Variants in CSMD1 observed in about 807,000 individuals in gnomAD.
The protein encoded by CSMD1 is CUB and sushi domain-containing protein 1.
A neutral mutation model predicts 417.5 loss-of-function variants in CSMD1; 213 were observed. The ratio of observed to expected loss-of-function variants is 0.51; its 90% CI spans 0.46 to 0.57. The LOEUF (loss-of-function observed/expected upper bound fraction) is 0.57. Among genes scored for constraint, CSMD1 ranks in the 20% least tolerant of loss-of-function variants. The pLI, the probability that CSMD1 is intolerant of heterozygous loss-of-function variation, is 0.00. For synonymous variants in CSMD1, 2,862 were observed against 1,736.8 expected, an observed-to-expected ratio of 1.65 and a Z score of -16.11; for missense variants, 6,923 against 4,529.7, an observed-to-expected ratio of 1.53 and a Z score of -15.17.
chr8:4,114,248 C>T (rs1295722485), intron 3 of CSMD1, among the ~76,000 whole-genome samples: 1 of 152,276 alleles, frequency 6.6e-6, no homozygotes, highest in Non-Finnish European at 1.5e-5. Flanking sequence ...TTTGAAAATC[C>T]TAGGGCTCTT....
At chr8:4,081,813 A>G (rs1196513757) in intron 3 of CSMD1, among the ~76,000 whole-genome samples, 1 of 151,410 alleles carries the variant, frequency 6.6e-6, no homozygotes, top group Non-Finnish European at 1.5e-5. Context: ...GATCAAATAA[A>G]TTGTTACAAA....
At position 4,359,749 on chromosome 8, in the gene CSMD1, C is replaced by T. The variant is rs137859506; in HGVS notation, c.415+60204G>A. Among the ~76,000 whole-genome samples, 915 of 152,300 alleles carry T rather than the reference C, an allele frequency of 6.0e-3. 8 individuals are homozygous for T. Among genetic ancestry groups the T allele is most frequent in the African/African-American group, 0.021 (865 of 41,558 alleles). ...CTGTGGCCTGGCCCACTTCTACATT[C>T]ATTCCAAGGGTCCACGTCAAGGAGT... On this transcript the variant is annotated intron_variant, in intron 3 of 69. Transcript: ENST00000635120.
intron 1 of CSMD1, among the ~76,000 whole-genome samples, chr8:4,985,055 T>C (rs1434975403): frequency 3.9e-5 from 6 of 152,176 alleles, no homozygotes; most frequent in African/African-American, 1.2e-4. Flanking sequence ...GATCATGTCC[T>C]TTGCAGGGAC....
At chr8:4,839,357 T>C (rs566215783) in intron 1 of CSMD1, among the ~76,000 whole-genome samples, 1 of 152,250 alleles carries the variant, frequency 6.6e-6, no homozygotes, top group Admixed American at 6.5e-5. Flanking sequence ...ACCAAGCAAA[T>C]ATATTTCATA....
At position 4,117,739 on chromosome 8, in the gene CSMD1, T is replaced by A. The variant is rs953743393; in HGVS notation, c.416-85640A>T. Among the ~76,000 whole-genome samples the A allele has an allele frequency of 2.0e-5, 3 of 152,158 alleles. No individual in the cohort carries two copies. In the East Asian group the frequency reaches 5.8e-4, roughly 29 times the overall value. ...CACATAGCTTTTAGAGAAGTAAGTT[T>A]AGATGTCAAATAGATATTCAGAAAC... On this transcript the variant is annotated intron_variant, in intron 3 of 69. Coordinates refer to ENST00000635120, the MANE Select transcript of CSMD1 (RefSeq NM_033225.6).
intron 4 of CSMD1, among the ~76,000 whole-genome samples, chr8:4,024,025 T>C (rs986527663): frequency 7.9e-5 from 12 of 152,190 alleles, no homozygotes; most frequent in East Asian, 5.8e-4. Context: ...AAAGGTTCTA[T>C]TGCAATTGAG....
intron 25 of CSMD1, among the ~76,000 whole-genome samples, chr8:3,305,808 T>C (rs543184480): frequency 1.2e-4 from 18 of 152,208 alleles, no homozygotes; most frequent in African/African-American, 4.3e-4. Flanking sequence ...GCCTCCCGAG[T>C]AGCTGGGACT....
chr8:3,619,568 G>A (rs1464806133), intron 7 of CSMD1, among the ~76,000 whole-genome samples: 1 of 152,036 alleles, frequency 6.6e-6, no homozygotes, highest in African/African-American at 2.4e-5. Flanking sequence ...CAAATTTGAG[G>A]AAAGACATAG....
intron 1 of CSMD1, among the ~76,000 whole-genome samples, chr8:4,747,350 G>C (rs928331360): frequency 1.3e-5 from 2 of 152,108 alleles, no homozygotes; most frequent in East Asian, 3.9e-4. Flanking sequence ...CTATATGATA[G>C]TTAATATTCT....
At chr8:4,435,693 G>A (rs1585070557) in intron 2 of CSMD1, among the ~76,000 whole-genome samples, 1 of 152,286 alleles carries the variant, frequency 6.6e-6, no homozygotes. Context: ...ACTGACAAGT[G>A]GAGGTGCCTC....
chr8:4,683,074 G>A lies in CSMD1; in HGVS notation c.86-45516C>T, dbSNP rs182512545. Among the ~76,000 whole-genome samples, 237 of 149,224 alleles carry A rather than the reference G, an allele frequency of 1.6e-3. 3 individuals carry two copies. Among genetic ancestry groups the A allele is most frequent in the African/African-American group, 5.6e-3 (229 of 40,816 alleles). On this transcript the variant is annotated intron_variant, in intron 1 of 69. Coordinates refer to ENST00000635120, the MANE Select transcript of CSMD1 (RefSeq NM_033225.6). ...AATAGTCCAATGTCATTGTGGCATA[G>A]AATTTAGAAATTAAGAGAAGTTTCA... is the stretch of plus-strand genomic sequence containing the variant.
At chr8:3,747,718 T>C (rs774782750) in intron 6 of CSMD1, among the ~76,000 whole-genome samples, 14 of 152,190 alleles carry the variant, frequency 9.2e-5, no homozygotes, top group Non-Finnish European at 1.9e-4. Context: ...AAATGTTCCT[T>C]ATGTTCAGCT....
chr8:4,592,010 C>T lies in CSMD1; in HGVS notation c.302+45332G>A, dbSNP rs530793056. 4.6e-5 allele frequency among the ~76,000 whole-genome samples: 7 copies of T among 152,196 alleles called. No individual in the cohort carries two copies. The South Asian group carries it at 6.2e-4, about 14-fold the overall frequency. On this transcript the variant is annotated intron_variant, in intron 2 of 69. Coordinates refer to ENST00000635120, the MANE Select transcript of CSMD1 (RefSeq NM_033225.6). ...AAAACAGGCTGCAGGTCATGCAATGCGGCCAGGATGGGACCAGTGAATTTC... is the reference window on the plus strand; with the variant it reads ...AAAACAGGCTGCAGGTCATGCAATGTGGCCAGGATGGGACCAGTGAATTTC...
chr8:4,114,683 T>C (rs12547734), intron 3 of CSMD1, among the ~76,000 whole-genome samples: 1 of 152,040 alleles, frequency 6.6e-6, no homozygotes, highest in Non-Finnish European at 1.5e-5. Flanking sequence ...TTGTGCTTCA[T>C]GGGAGGAGGT....
chr8:3,767,277 C>T (rs901854352), intron 5 of CSMD1, among the ~76,000 whole-genome samples: 2 of 152,186 alleles, frequency 1.3e-5, no homozygotes, highest in Admixed American at 6.5e-5. Context: ...CCTTTCTCCC[C>T]GACCTGCACA....
intron 10 of CSMD1, among the ~76,000 whole-genome samples, chr8:3,512,272 T>A (rs1259687976): frequency 6.6e-6 from 1 of 152,244 alleles, no homozygotes; most frequent in Non-Finnish European, 1.5e-5. Flanking sequence ...AGGGATGGAC[T>A]GGAAGCATTC....
intron 26 of CSMD1, among the ~76,000 whole-genome samples, chr8:3,270,048 T>TTTTC (rs1801724221): frequency 1.4e-5 from 1 of 71,052 alleles, no homozygotes; most frequent in Non-Finnish European, 2.8e-5. Context: ...AACCTCTTCT[T>TTTTC]TTTTTTTTTT....
chr8:2,977,697 ATC>A (rs1805051193), intron 55 of CSMD1, among the ~76,000 whole-genome samples: 4 of 152,218 alleles, frequency 2.6e-5, no homozygotes, highest in Non-Finnish European at 5.9e-5. Context: ...AAGGTCTAAT[ATC>A]CAGAATCTAC....
chr8:3,836,939 A>G (rs568021269), intron 5 of CSMD1, among the ~76,000 whole-genome samples: 23 of 152,168 alleles, frequency 1.5e-4, no homozygotes, highest in African/African-American at 5.1e-4. Context: ...TCAATGCACT[A>G]AAGTTGGCAA....
Sources: allele counts gnomAD v4.1 joint callset (sites outside exome capture counted in the v4.1 genomes callset), GRCh38; gene constraint gnomAD v4.1.1; transcripts MANE v1.5; gene names NCBI Gene and HGNC (gene_info 2026-07-23, HGNC 2026-07-21).